Variants in ST3GAL3 observed in about 807,000 individuals in gnomAD.
ST3GAL3 encodes ST3 beta-galactoside alpha-2,3-sialyltransferase 3.
Under a neutral mutation model 50.1 loss-of-function variants are expected in ST3GAL3, and 21 were observed. The ratio of observed to expected loss-of-function variants is 0.42; its 90% CI spans 0.30 to 0.60. The LOEUF (loss-of-function observed/expected upper bound fraction) is 0.60. Ranked by LOEUF, ST3GAL3 falls within the 20% of genes least tolerant of loss-of-function variation. ST3GAL3 has a pLI of 0.19. For missense variants in ST3GAL3, 353 were observed against 489.4 expected (o/e 0.72, Z 2.63); for synonymous variants, 183 against 190.0 (o/e 0.96, Z 0.30).
intron 5 of ST3GAL3, among the ~76,000 whole-genome samples, chr1:43,889,953 C>CA (rs1302881589): frequency 1.3e-5 from 2 of 152,148 alleles, no homozygotes; most frequent in South Asian, 2.1e-4. Context: ...TCCATCTCTA[C>CA]AAAAAATAAA....
intron 4 of ST3GAL3, among the ~76,000 whole-genome samples, chr1:43,826,724 G>A (rs1260935510): frequency 6.6e-6 from 1 of 152,142 alleles, no homozygotes; most frequent in African/African-American, 2.4e-5. Flanking sequence ...GTTCAGCAAT[G>A]TATAAAAAGA....
chr1:43,726,957 TG>T (rs1395132898), intron 1 of ST3GAL3, among the ~76,000 whole-genome samples: 1 of 152,246 alleles, frequency 6.6e-6, no homozygotes, highest in African/African-American at 2.4e-5. Context: ...GTTTCTTGGG[TG>T]AATTATTACT....
chr1:43,767,118 A>G (rs781543052), intron 2 of ST3GAL3, among the ~76,000 whole-genome samples: 1 of 152,090 alleles, frequency 6.6e-6, no homozygotes, highest in Non-Finnish European at 1.5e-5. Flanking sequence ...GAGAGAAAGA[A>G]AAGAGGTAGG....
At chr1:43,843,383 TG>T (rs1178986328) in intron 5 of ST3GAL3, among the ~76,000 whole-genome samples, 1 of 152,232 alleles carries the variant, frequency 6.6e-6, no homozygotes, top group African/African-American at 2.4e-5. Context: ...TTACATTGAT[TG>T]GTTTTTTCTC....
intron 3 of ST3GAL3, among the ~76,000 whole-genome samples, chr1:43,813,504 A>G (rs2060812298): frequency 6.6e-6 from 1 of 152,174 alleles, no homozygotes; most frequent in South Asian, 2.1e-4. Context: ...TTGAGGAAAG[A>G]CTTTCACTTG....
At position 43,778,337 on chromosome 1, in the gene ST3GAL3, G is replaced by C. The variant is rs1260667035; in HGVS notation, c.119-13765G>C. Among the ~76,000 whole-genome samples the C allele has an allele frequency of 2.6e-5, 4 of 152,098 alleles. No homozygotes were observed. In the East Asian group the frequency reaches 7.7e-4, roughly 29 times the overall value. On this transcript the variant is annotated intron_variant, in intron 2 of 11. Transcript: ENST00000347631. ...TGCTGGGCTTAATACCTAGGTGATG[G>C]GTTGATCTGTGCAGCAAGTCACCAT...
chr1:43,762,546 T>A (rs1456396730), intron 2 of ST3GAL3, among the ~76,000 whole-genome samples: 1 of 152,132 alleles, frequency 6.6e-6, no homozygotes, highest in African/African-American at 2.4e-5. Context: ...CACAGTTTTA[T>A]CTCCTGTGAA....
intron 5 of ST3GAL3, among the ~76,000 whole-genome samples, chr1:43,883,258 C>T (rs532581173): frequency 5.9e-5 from 9 of 152,278 alleles, no homozygotes; most frequent in Non-Finnish European, 7.3e-5. Flanking sequence ...CATGAGCCAC[C>T]GTGCCTGGCT....
intron 2 of ST3GAL3, among the ~76,000 whole-genome samples, chr1:43,782,561 T>TCC (rs397740956): frequency 6.6e-6 from 1 of 151,960 alleles, no homozygotes; most frequent in African/African-American, 2.4e-5. Flanking sequence ...TTATTTTCAC[T>TCC]GTTTCTCCCT....
intron 2 of ST3GAL3, among the ~76,000 whole-genome samples, chr1:43,750,785 C>A (rs1685727393): frequency 6.6e-6 from 1 of 151,524 alleles, no homozygotes; most frequent in South Asian, 2.1e-4. Flanking sequence ...GTAGTCTCAG[C>A]TACTTAGGAG....
Position 43,794,294 on chromosome 1 carries a change from A to G in ST3GAL3, c.166+2145A>G, listed in dbSNP as rs374685406. On this transcript the variant is annotated intron_variant, in intron 3 of 11. Transcript: ENST00000347631. ...ACAAAAGAGAAAGTCCAAATGGCCA[A>G]TAAACCCAAGAAAAGGTGTTTGATT... Among the ~76,000 whole-genome samples the G allele has an allele frequency of 4.8e-4, 73 of 152,354 alleles. 1 individual carries two copies. The highest frequency in any genetic ancestry group is 1.6e-3 in the African/African-American group (67 of 41,584).
At chr1:43,734,500 G>A (rs12118274) in intron 1 of ST3GAL3, among the ~76,000 whole-genome samples, 48,453 of 151,376 alleles carry the variant, frequency 0.32, 9,294 homozygotes, top group East Asian at 0.53. Context: ...TGTAGAGATA[G>A]GATCTCATCA....
At chr1:43,829,246 ATT>A (rs2063218888) in intron 4 of ST3GAL3, among the ~76,000 whole-genome samples, 1 of 152,140 alleles carries the variant, frequency 6.6e-6, no homozygotes, top group Admixed American at 6.6e-5. Context: ...GAATTTCTTT[ATT>A]TCTTTGTTCA....
At chr1:43,848,774 A>G (rs979141386) in intron 5 of ST3GAL3, among the ~76,000 whole-genome samples, 1 of 152,160 alleles carries the variant, frequency 6.6e-6, no homozygotes, top group African/African-American at 2.4e-5. Flanking sequence ...CCAGGATTCA[A>G]ATTACATGGA....
intron 1 of ST3GAL3, among the ~76,000 whole-genome samples, chr1:43,732,802 GA>G (rs1676514140): frequency 6.6e-6 from 1 of 151,894 alleles, no homozygotes; most frequent in Non-Finnish European, 1.5e-5. Flanking sequence ...TATTGTTTGA[GA>G]AAAAAGTCAT....
intron 2 of ST3GAL3, among the ~76,000 whole-genome samples, chr1:43,745,573 G>A (rs1234364411): frequency 6.6e-6 from 1 of 152,170 alleles, no homozygotes; most frequent in Non-Finnish European, 1.5e-5. Context: ...ATATGCAAAA[G>A]TGGTTCCGTA....
chr1:43,711,174 G>C (rs932167814), intron 1 of ST3GAL3, among the ~76,000 whole-genome samples: 2 of 152,190 alleles, frequency 1.3e-5, no homozygotes, highest in Non-Finnish European at 2.9e-5. Flanking sequence ...CTTCAGTGGC[G>C]TAACAGAACA....
At chr1:43,744,857 G>A (rs1015500378) in intron 2 of ST3GAL3, among the ~76,000 whole-genome samples, 1 of 151,826 alleles carries the variant, frequency 6.6e-6, no homozygotes, top group Admixed American at 6.6e-5. Context: ...TTGGCGTGAT[G>A]GCATGTGCCT....
intron 5 of ST3GAL3, among the ~76,000 whole-genome samples, chr1:43,868,631 C>T (rs1014873244): frequency 6.6e-6 from 1 of 152,128 alleles, no homozygotes; most frequent in African/African-American, 2.4e-5. Flanking sequence ...ACCCTTACCC[C>T]CTTGAGTCTA....
Sources: allele counts gnomAD v4.1 joint callset (sites outside exome capture counted in the v4.1 genomes callset), GRCh38; gene constraint gnomAD v4.1.1; transcripts MANE v1.5; gene names NCBI Gene and HGNC (gene_info 2026-07-23, HGNC 2026-07-21).